PDSS1: variants seen among roughly 807,000 people sequenced by gnomAD.
PDSS1 encodes the protein decaprenyl diphosphate synthase subunit 1.
PDSS1 carries 43 observed loss-of-function variants against 57.5 expected under a neutral mutation model. That is an observed-to-expected ratio of 0.75 (90% CI 0.59 to 0.96). The LOEUF (loss-of-function observed/expected upper bound fraction) is 0.96. PDSS1 is among the 50% of genes least tolerant of loss of function. The pLI is 0.00. For missense variants in PDSS1, 438 were observed against 527.8 expected (o/e 0.83, Z 1.67); for synonymous variants, 175 against 191.3 (o/e 0.91, Z 0.70).
chr10:26,719,989 A>G, intron 5 of PDSS1: 2 of 591,028 alleles, frequency 3.4e-6, no homozygotes, highest in Non-Finnish European at 5.9e-6. Flanking sequence ...GGCTAATGGT[A>G]CAATTTCTAC....
intron 2 of PDSS1, among the ~76,000 whole-genome samples, chr10:26,703,985 A>G (rs1018972747): frequency 6.6e-5 from 10 of 150,456 alleles, no homozygotes; most frequent in Non-Finnish European, 1.2e-4. Context: ...GGAGGCTGAG[A>G]CAGGAGAATG....
At chr10:26,703,631 A>G (rs1368436470) in intron 2 of PDSS1, among the ~76,000 whole-genome samples, 1 of 152,196 alleles carries the variant, frequency 6.6e-6, no homozygotes, top group Non-Finnish European at 1.5e-5. Flanking sequence ...ATAAAGCATG[A>G]AGGAGGATTG....
intron 5 of PDSS1, among the ~76,000 whole-genome samples, chr10:26,716,761 A>G (rs1835596437): frequency 6.6e-6 from 1 of 151,938 alleles, no homozygotes; most frequent in Admixed American, 6.5e-5. Flanking sequence ...ATGCTGAATC[A>G]TAGCATACTC....
intron 10 of PDSS1, among the ~76,000 whole-genome samples, chr10:26,741,212 C>T (rs561654429): frequency 5.9e-5 from 9 of 152,072 alleles, no homozygotes; most frequent in African/African-American, 1.4e-4. Context: ...AGGCCAGGCG[C>T]GGTGGCTCAC....
chr10:26,718,805 T>C, intron 5 of PDSS1: 1 of 150,562 alleles, frequency 6.6e-6, no homozygotes, highest in Non-Finnish European at 1.5e-5. Context: ...GTAGACATGA[T>C]TTCCAGGCTG....
chr10:26,729,903 CCTTTTTTTTTTTTTT>C (rs1406337779), intron 8 of PDSS1, among the ~76,000 whole-genome samples: 1 of 125,342 alleles, frequency 8.0e-6, no homozygotes, highest in African/African-American at 3.0e-5. Flanking sequence ...ATAGTTGGTT[CCTTTTTTTTTTTTTT>C]TTTTTTTTTT....
intron 10 of PDSS1, among the ~76,000 whole-genome samples, chr10:26,739,435 T>C (rs1353147708): frequency 3.9e-5 from 6 of 152,318 alleles, no homozygotes; most frequent in African/African-American, 1.4e-4. Context: ...GAGTTTGATA[T>C]TTTGCATATT....
intron 1 of PDSS1, chr10:26,701,819 G>C: frequency 2.2e-6 from 1 of 454,194 alleles, no homozygotes; most frequent in Non-Finnish European, 4.4e-6. Context: ...CAGAATGGTA[G>C]GTCCACCAAC....
At chr10:26,717,220 A>ATTTTTTTTTTTTTTTTTTTT (rs1564423640) in intron 5 of PDSS1, among the ~76,000 whole-genome samples, 1 of 152,154 alleles carries the variant, frequency 6.6e-6, no homozygotes, top group African/African-American at 2.4e-5. Context: ...GCAAAATGAC[A>ATTTTTTTTTTTTTTTTTTTT]TTTTTTATTC....
intron 8 of PDSS1, among the ~76,000 whole-genome samples, chr10:26,730,126 A>G (rs186829395): frequency 1.3e-5 from 2 of 151,422 alleles, no homozygotes; most frequent in East Asian, 2.0e-4. Context: ...GTTAGCCAGG[A>G]TGGTCTCGAT....
chr10:26,739,062 TCTTC>T (rs1462161769), intron 10 of PDSS1, among the ~76,000 whole-genome samples: 1 of 152,240 alleles, frequency 6.6e-6, no homozygotes, highest in Admixed American at 6.5e-5. Flanking sequence ...CTTCTGCTTC[TCTTC>T]CTTATTTGAT....
At chr10:26,741,545 A>G (rs2132317096) in intron 10 of PDSS1, among the ~76,000 whole-genome samples, 1 of 152,292 alleles carries the variant, frequency 6.6e-6, no homozygotes, top group South Asian at 2.1e-4. Flanking sequence ...CCCAGTATGC[A>G]GTCAATGTCA....
Position 26,702,248 on chromosome 10 carries a change from T to G in PDSS1, c.162+54T>G, listed in dbSNP as rs141085195. ...TAATGCTAGAATGAGTTAAGACTTT[T>G]GGGGACTGTTCGGAAGGAATGATTG... On this transcript the variant is annotated intron_variant, in intron 2 of 11. Transcript: ENST00000376215. The G allele has an allele frequency of 5.4e-4, 232 of 433,416 alleles. 5 individuals carry two copies. The highest frequency in any genetic ancestry group is 4.2e-3 in the African/African-American group (204 of 49,116). The allele number at this position is 433,416 out of a possible 1,614,324, so 26.8% of individuals were successfully genotyped here. A position where few individuals can be genotyped will look rare whatever the true frequency, so the allele number is the denominator to read the frequency against.
intron 8 of PDSS1, chr10:26,734,739 A>G (rs989486608): frequency 8.8e-6 from 4 of 456,272 alleles, no homozygotes; most frequent in Non-Finnish European, 8.8e-6. Flanking sequence ...ATTCCCAACG[A>G]TGATGAAAAG....
At position 26,741,285 on chromosome 10, in the gene PDSS1, G is replaced by A. The variant is rs1203828334; in HGVS notation, c.1027-1212G>A. 2.6e-5 allele frequency among the ~76,000 whole-genome samples: 4 copies of A among 152,298 alleles called. No individual in the cohort carries two copies. In the East Asian group the frequency reaches 7.7e-4, roughly 29 times the overall value. On this transcript the variant is annotated intron_variant, in intron 10 of 11. Coordinates refer to ENST00000376215, the MANE Select transcript of PDSS1 (RefSeq NM_014317.5). ...AGATCACCTGAGGTCAGGAGTTTGAGACCAGCCTGGCCAATATGGCAAAAC... is the reference window on the plus strand; with the variant it reads ...AGATCACCTGAGGTCAGGAGTTTGAAACCAGCCTGGCCAATATGGCAAAAC...
intron 10 of PDSS1, among the ~76,000 whole-genome samples, chr10:26,736,451 CAG>C: frequency 6.6e-6 from 1 of 152,326 alleles, no homozygotes; most frequent in East Asian, 1.9e-4. Context: ...TTTGGTCTTT[CAG>C]AGATTTTGCC....
intron 4 of PDSS1, 99 bp from the exon 5 acceptor site, chr10:26,709,539 C>T: frequency 8.2e-7 from 1 of 1,216,824 alleles, no homozygotes; most frequent in Middle Eastern, 2.6e-4. Flanking sequence ...CCAGTCTGGG[C>T]AACAAGAGCG....
intron 8 of PDSS1, among the ~76,000 whole-genome samples, chr10:26,730,057 T>TGA (rs1836120452): frequency 6.6e-6 from 1 of 151,452 alleles, no homozygotes. Flanking sequence ...GGACTACAGG[T>TGA]GCCCGCTACC....
chr10:26,705,685 G>A (rs954292502), intron 4 of PDSS1, among the ~76,000 whole-genome samples: 1 of 152,046 alleles, frequency 6.6e-6, no homozygotes, highest in African/African-American at 2.4e-5. Flanking sequence ...TGTTGGCCAG[G>A]CTGGTCTTGA....
Sources: gnomAD v4.1 joint callset for allele counts (sites outside exome capture counted in the v4.1 genomes callset) on GRCh38, gnomAD v4.1.1 for gene constraint, MANE v1.5 for transcripts, NCBI Gene and HGNC (gene_info 2026-07-23, HGNC 2026-07-21) for gene names.